Variants in CNTROB observed in about 807,000 individuals in gnomAD.
The protein encoded by CNTROB is centrobin, centriole duplication and spindle assembly protein.
A neutral mutation model predicts 115.7 loss-of-function variants in CNTROB; 82 were observed. The ratio of observed to expected loss-of-function variants is 0.71; its 90% CI spans 0.59 to 0.85. CNTROB has a LOEUF of 0.85. Among genes scored for constraint, CNTROB ranks in the 40% least tolerant of loss-of-function variants. CNTROB has a pLI of 0.00. For missense variants in CNTROB, 1,014 were observed against 1,144.4 expected, an observed-to-expected ratio of 0.89 and a Z score of 1.64; for synonymous variants, 439 against 456.4, an observed-to-expected ratio of 0.96 and a Z score of 0.49.
chr17:7,948,205 T>A lies in CNTROB; in HGVS notation c.2258T>A (p.Ile753Asn), dbSNP rs775140414. 176 of 1,614,202 alleles carry A rather than the reference T, an allele frequency of 1.1e-4. No homozygotes were observed. In the East Asian group the frequency reaches 3.8e-3, roughly 35 times the overall value. ...GAGGAAGCCCCTCAAGTGCCACGTA[T>A]TCCACCGCCTGTCCACAAAACCAAA... is the stretch of plus-strand genomic sequence containing the variant. ...SWEEAPQVPR[I>N]PPPVHKTKVP... Residue 753 changes from isoleucine (I) to asparagine (N), a missense_variant, in exon 16 of 19, where the codon ATT (isoleucine) becomes AAT (asparagine). Coordinates refer to ENST00000563694, the MANE Select transcript of CNTROB (RefSeq NM_053051.5). This position sits in a 1 kb window ranked among gnomAD's most constrained non-coding sequence, Gnocchi z 4.4.
rs1223161963 is a variant in CNTROB, at chr17:7,934,153, A to G, written c.286A>G (p.Ile96Val). The change falls in exon 2 of 19, where the codon ATC (isoleucine) becomes GTC (valine). Residue 96 changes from isoleucine to valine, a missense_variant. By Grantham distance (29) the Ile-to-Val change is conservative. Transcript: ENST00000563694. Reference sequence around the variant, plus strand: ...TTTTTTCCAGGATGGTTCTAAGCATATCTTTGAGATGGAAAGTGTTCGGGG... The same window carrying G: ...TTTTTTCCAGGATGGTTCTAAGCATGTCTTTGAGATGGAAAGTGTTCGGGG... ...NLKKKDGSKHIFEMESVRGQL... is the reference protein window; with the variant it reads ...NLKKKDGSKHVFEMESVRGQL... 6 of 1,614,170 alleles carry G rather than the reference A, an allele frequency of 3.7e-6. No homozygotes were observed. Among genetic ancestry groups the G allele is most frequent in the South Asian group, 3.3e-5 (3 of 91,084 alleles).
At position 7,947,918 on chromosome 17, in the gene CNTROB, G is replaced by A. The variant is rs1428705703; in HGVS notation, c.2148G>A (p.Leu716=). 4.2e-5 allele frequency: 68 copies of A among 1,613,926 alleles called. No homozygotes were observed. Among genetic ancestry groups the A allele is most frequent in the Non-Finnish European group, 5.6e-5 (66 of 1,179,850 alleles). ...LEGLKNFLHQ[L]LETVPQNNEN... is the part of the protein sequence containing the mutation. ...TTGACAATCTTATTCACCCACAGTT[G>A]CTGGAGACAGTGCCCCAGAACAATG... The change falls in exon 15 of 19, where the codon TTG becomes TTA. Residue 716 remains leucine, a splice_region_variant and synonymous_variant. Coordinates refer to ENST00000563694, the MANE Select transcript of CNTROB (RefSeq NM_053051.5).
At chr17:7,934,441 T>C in intron 2 of CNTROB, 24 bp from the exon 3 acceptor site, 1 of 1,611,824 alleles carries the variant, frequency 6.2e-7, no homozygotes, top group Non-Finnish European at 8.5e-7. Flanking sequence ...ACTCTGGCTT[T>C]GGGGTCCCTC....
At chr17:7,932,137 A>G (rs1972582823), upstream of CNTROB, 1 of 421,794 alleles carries the variant, frequency 2.4e-6, no homozygotes, top group Non-Finnish European at 4.3e-6. Context: ...TACAGAAGTG[A>G]TGTGAGTGTC....
chr17:7,942,785 G>GTTTTTTTTTTTTTT (rs1567925824), intron 9 of CNTROB, among the ~76,000 whole-genome samples: 1 of 122,030 alleles, frequency 8.2e-6, no homozygotes, highest in African/African-American at 3.2e-5. Flanking sequence ...TCTACTCAGG[G>GTTTTTTTTTTTTTT]TATTTTTTTT....
chr17:7,932,101 G>C (rs542055019), upstream of CNTROB: 454 of 518,406 alleles, frequency 8.8e-4, no homozygotes, highest in Middle Eastern at 9.9e-3. Context: ...CACCGGAGCC[G>C]CGCACGCGCG....
chr17:7,945,381 ATTTTAT>A (rs1291379001), intron 12 of CNTROB: 1 of 154,250 alleles, frequency 6.5e-6, no homozygotes, highest in Non-Finnish European at 1.4e-5. Flanking sequence ...TTTAATTTTA[ATTTTAT>A]TTATTTATAT....
chr17:7,941,521 C>T (rs967272823), intron 9 of CNTROB, among the ~76,000 whole-genome samples: 1 of 151,444 alleles, frequency 6.6e-6, no homozygotes, highest in African/African-American at 2.4e-5. Flanking sequence ...ATCGCTTGAA[C>T]CCGGGAGGTG....
Position 7,943,633 on chromosome 17 carries a change from A to G in CNTROB, c.1445+109A>G. On this transcript the variant is annotated intron_variant, in intron 10 of 18. Transcript: ENST00000563694. The surrounding 1 kb of genome is among the most constrained non-coding windows in gnomAD (Gnocchi z 4.7). ...GCCATGGTCCAGCACTGTGACTCCC[A>G]GGGTGCGCTAACTCCCATCAGCTGG... The G allele has an allele frequency of 3.3e-6, 4 of 1,208,444 alleles. No individual in the cohort carries two copies. Among genetic ancestry groups the G allele is most frequent in the Non-Finnish European group, 3.4e-6 (3 of 886,098 alleles). 74.9% of individuals were successfully genotyped at this position (1,208,444 alleles called of 1,614,324 possible). A position where few individuals can be genotyped will look rare whatever the true frequency, so the allele number is the denominator to read the frequency against.
chr17:7,947,623 G>A lies in CNTROB; in HGVS notation c.2046G>A (p.Arg682=). The A allele has an allele frequency of 6.2e-7, 1 of 1,613,748 alleles. No individual in the cohort carries two copies. The highest frequency in any genetic ancestry group is 8.5e-7 in the Non-Finnish European group (1 of 1,179,672). The change falls in exon 14 of 19, where the codon AGG becomes AGA. Residue 682 remains arginine, a synonymous_variant. Transcript: ENST00000563694. ...TCCATCCCGATCATAGGGCAGAAAGGCCATTCCCTGAGGAAGATCCTGGAC... is the reference window on the plus strand; with the variant it reads ...TCCATCCCGATCATAGGGCAGAAAGACCATTCCCTGAGGAAGATCCTGGAC... ...GAFHPDHRAE[R]PFPEEDPGPD... is the part of the protein sequence containing the mutation.
At position 7,937,163 on chromosome 17, in the gene CNTROB, G is replaced by A. The variant is rs1973279051; in HGVS notation, c.829-1G>A. On this transcript the variant is annotated splice_acceptor_variant, in intron 6 of 18. Transcript: ENST00000563694. LOFTEE classifies it high-confidence loss of function. ...GCCCTGTATTCCTCTCTTCCTGAAAGACAGTAACCCGCCTGGAACAAAGCC... is the reference window on the plus strand; with the variant it reads ...GCCCTGTATTCCTCTCTTCCTGAAAAACAGTAACCCGCCTGGAACAAAGCC... 1 of 1,614,030 alleles carries A rather than the reference G, an allele frequency of 6.2e-7. No individual in the cohort carries two copies.
At chr17:7,947,396 C>T (rs1472068399) in intron 13 of CNTROB, among the ~76,000 whole-genome samples, 175 bp from the exon 14 acceptor site, 2 of 152,146 alleles carry the variant, frequency 1.3e-5, no homozygotes, top group Admixed American at 6.5e-5. Flanking sequence ...TCAGTCACCT[C>T]CAACCCTTCC....
At chr17:7,936,113 G>A (rs1224227609) in intron 4 of CNTROB, 3 of 455,066 alleles carry the variant, frequency 6.6e-6, no homozygotes, top group African/African-American at 5.9e-5. Context: ...TTTTTACTCA[G>A]GAGATCCAGG....
chr17:7,949,452 A>G lies in CNTROB; in HGVS notation c.2654A>G (p.Lys885Arg), dbSNP rs374487672. 3 of 1,614,028 alleles carry G rather than the reference A, an allele frequency of 1.9e-6. No homozygotes were observed. In the African/African-American group the frequency reaches 4.0e-5, roughly 22 times the overall value. ...APKTEKPPARKKSGHPAPSSM... is the reference protein window; with the variant it reads ...APKTEKPPARRKSGHPAPSSM... ...AAGACTGAAAAACCTCCCGCACGGAAGAAAAGTGGGCACCCTGCCCCGAGT... is the reference window on the plus strand; with the variant it reads ...AAGACTGAAAAACCTCCCGCACGGAGGAAAAGTGGGCACCCTGCCCCGAGT... Residue 885 changes from lysine (K) to arginine (R), a missense_variant, in exon 19 of 19, where the codon AAG becomes AGG. Coordinates refer to ENST00000563694, the MANE Select transcript of CNTROB (RefSeq NM_053051.5).
At position 7,936,427 on chromosome 17, in the gene CNTROB, C is replaced by T; in HGVS notation, c.656C>T (p.Ala219Val). ...GTGTTAGAGCTACAGCAACAATTAGCCGTGGCTGTGGCTGCCGACCGCAAG... is the reference window on the plus strand; with the variant it reads ...GTGTTAGAGCTACAGCAACAATTAGTCGTGGCTGTGGCTGCCGACCGCAAG... Reference protein sequence around the residue: ...TRVLELQQQLAVAVAADRKKD... With the variant: ...TRVLELQQQLVVAVAADRKKD... The change falls in exon 5 of 19, where the codon GCC becomes GTC. Residue 219 changes from alanine (A) to valine (V), a missense_variant. Coordinates refer to ENST00000563694, the MANE Select transcript of CNTROB (RefSeq NM_053051.5). 1 of 1,576,498 alleles carries T rather than the reference C, an allele frequency of 6.3e-7. No individual in the cohort carries two copies. Among genetic ancestry groups the T allele is most frequent in the South Asian group, 1.1e-5 (1 of 90,328 alleles).
intron 9 of CNTROB, among the ~76,000 whole-genome samples, chr17:7,942,017 A>G (rs539628408): frequency 1.3e-5 from 2 of 151,128 alleles, no homozygotes; most frequent in Non-Finnish European, 2.9e-5. Flanking sequence ...CTGTAATCCC[A>G]GCACTTTGGG....
Position 7,936,717 on chromosome 17 carries a change from TG to T in CNTROB, c.730del (p.Glu244ArgfsTer35). 6.7e-7 allele frequency: 1 copy of T among 1,490,074 alleles called. No individual in the cohort carries two copies. The highest frequency in any genetic ancestry group is 9.4e-7 in the Non-Finnish European group (1 of 1,066,718). 92.3% of individuals were successfully genotyped at this position (1,490,074 alleles called of 1,614,324 possible). On this transcript the variant is annotated frameshift_variant, in exon 6 of 19. Transcript: ENST00000563694. LOFTEE classifies it high-confidence loss of function. ...CTACCTAAGACCCTGGCCCGTGTGGTGGAGGGCTGGAACCGGCATGAGGCTG... is the reference window on the plus strand; with the variant it reads ...CTACCTAAGACCCTGGCCCGTGTGGTGAGGGCTGGAACCGGCATGAGGCTG... ...EQLDKTLARV[V>X]EGWNRHEAER...
In CNTROB at chr17:7,944,358, A is replaced by G. The variant is rs779996350; in HGVS notation, c.1571+110A>G. ...CCTTGATTGATCTGTCCTCCTCTAC[A>G]TGGGCCCCAGCTCCTTTCAGAATAT... is the stretch of plus-strand genomic sequence containing the variant. On this transcript the variant is annotated intron_variant, in intron 11 of 18. Transcript: ENST00000563694. This position sits in a 1 kb window ranked among gnomAD's most constrained non-coding sequence, Gnocchi z 4.0. The G allele has an allele frequency of 2.1e-5, 33 of 1,555,458 alleles. 1 individual carries two copies. The Admixed American group carries it at 2.5e-4, about 12-fold the overall frequency.
chr17:7,942,447 A>T (rs1189174042), intron 9 of CNTROB, among the ~76,000 whole-genome samples: 1 of 151,772 alleles, frequency 6.6e-6, no homozygotes. Context: ...AATACAAAAA[A>T]TTAGCTGGGC....
Sources: allele counts gnomAD v4.1 joint callset (sites outside exome capture counted in the v4.1 genomes callset), GRCh38; gene constraint gnomAD v4.1.1; non-coding constraint Gnocchi (gnomAD v3.1); transcripts MANE v1.5; gene names NCBI Gene and HGNC (gene_info 2026-07-23, HGNC 2026-07-21).